ESRRG: variants seen among roughly 807,000 people sequenced by gnomAD.
ESRRG encodes the protein estrogen related receptor gamma, also known as estrogen-related receptor gamma.
A neutral mutation model predicts 44.0 loss-of-function variants in ESRRG; 13 were observed. The ratio of observed to expected loss-of-function variants is 0.30; its 90% CI spans 0.19 to 0.47. The LOEUF (loss-of-function observed/expected upper bound fraction) is 0.47, where lower values mean the gene tolerates loss of function less well. ESRRG is among the 20% of genes least tolerant of loss of function. The pLI, the probability that ESRRG is intolerant of heterozygous loss-of-function variation, is 1.00. For synonymous variants in ESRRG, 215 were observed against 214.6 expected (o/e 1.00, Z -0.02); for missense variants, 395 against 580.6 (o/e 0.68, Z 3.29).
At chr1:216,889,956 C>A (rs2057545967) in intron 2 of ESRRG, among the ~76,000 whole-genome samples, 1 of 152,124 alleles carries the variant, frequency 6.6e-6, no homozygotes. Context: ...TAAAGTCAAT[C>A]TTATCTCCAC....
chr1:216,873,883 G>A (rs529056604), intron 2 of ESRRG, among the ~76,000 whole-genome samples: 153 of 19,548 alleles, frequency 7.8e-3, no homozygotes, highest in African/African-American at 0.036. Flanking sequence ...AGAAGGGAGG[G>A]AAGGGAAGGG....
chr1:217,078,087 G>A (rs1321872912), intron 1 of ESRRG: 2 of 152,202 alleles, frequency 1.3e-5, no homozygotes, highest in Non-Finnish European at 2.9e-5. Context: ...TATAATGGTT[G>A]ATTGCAGCTT....
At chr1:216,964,285 G>A (rs1362940713) in intron 1 of ESRRG, among the ~76,000 whole-genome samples, 1 of 152,184 alleles carries the variant, frequency 6.6e-6, no homozygotes, top group East Asian at 1.9e-4. Context: ...AAAACTGCAT[G>A]TGGAAGGGAT....
chr1:217,080,860 G>T lies in ESRRG; in HGVS notation c.-106+8647C>A, dbSNP rs139247541. Among the ~76,000 whole-genome samples the T allele has an allele frequency of 2.4e-4, 37 of 151,804 alleles. No individual in the cohort carries two copies. The East Asian group carries it at 7.0e-3, about 29-fold the overall frequency. ...GACCAGTTAATTTTTTGTATTTTTA[G>T]TGGAGACGGGGTTTCACCGTGTTAG... On this transcript the variant is annotated intron_variant, in intron 1 of 7. Transcript: ENST00000359162.
chr1:216,613,148 A>G (rs986408058), intron 3 of ESRRG, among the ~76,000 whole-genome samples: 8 of 152,224 alleles, frequency 5.3e-5, no homozygotes, highest in African/African-American at 1.7e-4. Flanking sequence ...GAATTTTTCC[A>G]GAAATGGATT....
At chr1:216,592,134 G>A (rs1231288688) in intron 3 of ESRRG, among the ~76,000 whole-genome samples, 1 of 152,200 alleles carries the variant, frequency 6.6e-6, no homozygotes, top group African/African-American at 2.4e-5. Flanking sequence ...AGCCCAAATT[G>A]AGGAACACTC....
chr1:216,715,579 T>A lies in ESRRG; in HGVS notation c.56+7665A>T, dbSNP rs138431555. On this transcript the variant is annotated intron_variant, in intron 1 of 6. Transcript: ENST00000408911. The stretch of plus-strand genomic sequence containing the variant: ...TTATGGAGGGCAAAGGGCAATCAAT[T>A]GAACAACCTCACAGTTTATTTTTTT... Among the ~76,000 whole-genome samples, 510 of 152,264 alleles carry A rather than the reference T, an allele frequency of 3.3e-3. 4 individuals carry two copies. The highest frequency in any genetic ancestry group is 0.012 in the African/African-American group (488 of 41,566).
intron 3 of ESRRG, among the ~76,000 whole-genome samples, chr1:216,593,435 C>A (rs1300130870): frequency 6.6e-6 from 1 of 152,198 alleles, no homozygotes; most frequent in Non-Finnish European, 1.5e-5. Context: ...TGACATTGGG[C>A]CTTCCCCATA....
intron 2 of ESRRG, among the ~76,000 whole-genome samples, chr1:216,887,179 T>C (rs1423787459): frequency 1.3e-5 from 2 of 152,104 alleles, no homozygotes; most frequent in South Asian, 2.1e-4. Flanking sequence ...CAGAGTAGAG[T>C]TTCCAACTCT....
intron 1 of ESRRG, among the ~76,000 whole-genome samples, chr1:217,009,484 A>G (rs1175892354): frequency 2.0e-5 from 3 of 152,178 alleles, no homozygotes; most frequent in Non-Finnish European, 4.4e-5. Context: ...GTAAACAATC[A>G]TAAACAATTA....
rs190050578 is a variant in ESRRG at position 216,763,565 on chromosome 1, A to G, written c.-13-86074T>C. On this transcript the variant is annotated intron_variant, in intron 2 of 7. Coordinates refer to the ESRRG transcript ENST00000359162. ...AGAGAAAACTGGTCACAATATTAAT[A>G]TACGCTTAGCATTTTGGGCTAAAGT... 5.3e-5 allele frequency among the ~76,000 whole-genome samples: 8 copies of G among 152,268 alleles called. No individual in the cohort carries two copies. The East Asian group carries it at 5.8e-4, about 11-fold the overall frequency.
At chr1:217,104,179 T>G (rs1430037424) in intron 1 of ESRRG, among the ~76,000 whole-genome samples, 3 of 152,200 alleles carry the variant, frequency 2.0e-5, no homozygotes, top group Admixed American at 2.0e-4. Flanking sequence ...AAGAAAATGA[T>G]CTAAGTCAAA....
chr1:216,663,255 AG>A lies in ESRRG; in HGVS notation c.473-12167del, dbSNP rs111792548. 2.9e-3 allele frequency among the ~76,000 whole-genome samples: 443 copies of A among 152,212 alleles called. 4 individuals are homozygous for A. The highest frequency in any genetic ancestry group is 2.2e-3 in the Non-Finnish European group (148 of 67,996). On this transcript the variant is annotated intron_variant, in intron 2 of 6. Coordinates refer to ENST00000408911, the MANE Select transcript of ESRRG (RefSeq NM_001438.4). ...GTGAAGATGCTCTGGAGGCAAAAGC[AG>A]GGGAAAAAAAGTACACTTGAGGACA...
At chr1:216,830,955 A>G (rs1377264311) in intron 2 of ESRRG, among the ~76,000 whole-genome samples, 3 of 152,064 alleles carry the variant, frequency 2.0e-5, no homozygotes, top group African/African-American at 7.2e-5. Context: ...CTCACCTCCT[A>G]CAACTGAACT....
chr1:216,656,024 G>A (rs566572884), intron 2 of ESRRG, among the ~76,000 whole-genome samples: 31 of 152,260 alleles, frequency 2.0e-4, no homozygotes, highest in African/African-American at 7.5e-4. Context: ...ACTCCCAGTA[G>A]ACCATATGAT....
At chr1:216,899,623 G>A (rs1219840305) in intron 2 of ESRRG, among the ~76,000 whole-genome samples, 4 of 152,196 alleles carry the variant, frequency 2.6e-5, no homozygotes, top group Non-Finnish European at 5.9e-5. Context: ...CAGCCATGGT[G>A]GCAGTTATAG....
At chr1:216,742,972 T>C (rs1378140904) in intron 2 of ESRRG, among the ~76,000 whole-genome samples, 1 of 152,140 alleles carries the variant, frequency 6.6e-6, no homozygotes, top group Non-Finnish European at 1.5e-5. Flanking sequence ...TGCAGCATCT[T>C]TCAAATTTGC....
intron 1 of ESRRG, among the ~76,000 whole-genome samples, chr1:217,086,622 A>T (rs886314761): frequency 2.6e-5 from 4 of 152,158 alleles, no homozygotes; most frequent in Non-Finnish European, 5.9e-5. Flanking sequence ...CCGTGTAAAA[A>T]TTTTATCTTG....
chr1:216,990,136 C>G lies in ESRRG; in HGVS notation c.-105-50463G>C, dbSNP rs141551707. On this transcript the variant is annotated intron_variant, in intron 1 of 7. Coordinates refer to the ESRRG transcript ENST00000359162. ...GAAATTTGTCCAATATGGTTCTACT[C>G]TTGGGTCAAACCATTCAGATTTTCA... Among the ~76,000 whole-genome samples the G allele has an allele frequency of 1.5e-4, 23 of 152,230 alleles. No homozygotes were observed. The East Asian group carries it at 4.4e-3, about 29-fold the overall frequency.
Sources: allele counts gnomAD v4.1 joint callset (sites outside exome capture counted in the v4.1 genomes callset), GRCh38; gene constraint gnomAD v4.1.1; transcripts MANE v1.5; gene names NCBI Gene and HGNC (gene_info 2026-07-23, HGNC 2026-07-21).